ARID4A: variants seen among roughly 807,000 people sequenced by gnomAD.
ARID4A encodes AT-rich interaction domain 4A.
A neutral mutation model predicts 148.6 loss-of-function variants in ARID4A; 39 were observed. The observed-to-expected ratio is 0.26, with a 90% CI of 0.20 to 0.34. The LOEUF is 0.34. Among genes scored for constraint, ARID4A ranks in the 10% least tolerant of loss-of-function variants. The pLI, the probability that ARID4A is intolerant of heterozygous loss-of-function variation, is 1.00. For missense variants in ARID4A, 1,265 were observed against 1,449.1 expected, an observed-to-expected ratio of 0.87 and a Z score of 2.06; for synonymous variants, 475 against 481.2, an observed-to-expected ratio of 0.99 and a Z score of 0.17.
intron 5 of ARID4A, 40 bp from the exon 6 acceptor site, chr14:58,318,502 T>A: frequency 1.3e-6 from 2 of 1,566,152 alleles, no homozygotes; most frequent in Non-Finnish European, 1.8e-6. Flanking sequence ...TTTATTTCAT[T>A]AGTGTGCATA....
At chr14:58,317,654 A>T (rs2032552201) in intron 5 of ARID4A, among the ~76,000 whole-genome samples, 1 of 106,300 alleles carries the variant, frequency 9.4e-6, no homozygotes, top group Admixed American at 1.1e-4. Flanking sequence ...TTTTTGAGAC[A>T]GAATCTTGGT....
chr14:58,304,505 C>T (rs1359855296), intron 3 of ARID4A, among the ~76,000 whole-genome samples: 2 of 152,142 alleles, frequency 1.3e-5, no homozygotes, highest in Admixed American at 1.3e-4. Context: ...ACGATTATTG[C>T]TTAGCTTCAC....
intron 11 of ARID4A, among the ~76,000 whole-genome samples, chr14:58,340,314 C>T (rs1306386224): frequency 1.4e-5 from 2 of 145,964 alleles, no homozygotes; most frequent in Non-Finnish European, 3.0e-5. Flanking sequence ...TACAGGTGCA[C>T]GCCAGCATGC....
At chr14:58,317,518 C>T (rs1337892295) in intron 5 of ARID4A, among the ~76,000 whole-genome samples, 1 of 151,148 alleles carries the variant, frequency 6.6e-6, no homozygotes, top group Non-Finnish European at 1.5e-5. Context: ...GATTTCCTGA[C>T]CTGACCTCGT....
chr14:58,345,614 C>T (rs1251027845), intron 12 of ARID4A, among the ~76,000 whole-genome samples: 2 of 151,610 alleles, frequency 1.3e-5, no homozygotes, highest in Non-Finnish European at 2.9e-5. Flanking sequence ...CTTCAGAAAT[C>T]ATCCTTCAGA....
intron 12 of ARID4A, among the ~76,000 whole-genome samples, chr14:58,345,186 G>C (rs1011819459): frequency 2.4e-4 from 36 of 152,182 alleles, no homozygotes; most frequent in Non-Finnish European, 4.9e-4. Context: ...TCTAGTTTTG[G>C]ATTTTAAATA....
At chr14:58,324,433 A>C (rs2033104894) in intron 8 of ARID4A, among the ~76,000 whole-genome samples, 1 of 151,700 alleles carries the variant, frequency 6.6e-6, no homozygotes, top group Non-Finnish European at 1.5e-5. Context: ...GTGCCTCCAC[A>C]CCTGGCTATT....
At chr14:58,361,482 G>C (rs545531058) in intron 19 of ARID4A, among the ~76,000 whole-genome samples, 1 of 152,220 alleles carries the variant, frequency 6.6e-6, no homozygotes, top group South Asian at 2.1e-4. Context: ...TGTTATTCTT[G>C]ACTCTGAATT....
intron 11 of ARID4A, among the ~76,000 whole-genome samples, chr14:58,337,238 CTCTTTA>C (rs2033864259): frequency 1.9e-5 from 1 of 52,760 alleles, no homozygotes; most frequent in African/African-American, 7.4e-5. Flanking sequence ...CTAGAACCTT[CTCTTTA>C]TTTATATATA....
In ARID4A at chr14:58,316,843, G is replaced by A. The variant is rs566257961; in HGVS notation, c.275-1699G>A. On this transcript the variant is annotated intron_variant, in intron 5 of 23. Coordinates refer to ENST00000355431, the MANE Select transcript of ARID4A (RefSeq NM_002892.4). Reference sequence around the variant, plus strand: ...GGTCCGCCCGCCTCGGCCTCCCAAAGTGCTGAGATTACAGGCGGGAGTCAC... The same window carrying A: ...GGTCCGCCCGCCTCGGCCTCCCAAAATGCTGAGATTACAGGCGGGAGTCAC... Among the ~76,000 whole-genome samples the A allele has an allele frequency of 1.6e-4, 25 of 151,862 alleles. No homozygotes were observed. In the South Asian group the frequency reaches 5.2e-3, roughly 32 times the overall value.
intron 11 of ARID4A, among the ~76,000 whole-genome samples, chr14:58,338,938 G>A (rs1277083983): frequency 8.6e-6 from 1 of 116,496 alleles, no homozygotes; most frequent in African/African-American, 3.4e-5. Context: ...CACACAAAAG[G>A]TAGGGGTGTT....
At chr14:58,315,451 A>T (rs910073409) in intron 5 of ARID4A, among the ~76,000 whole-genome samples, 1 of 152,222 alleles carries the variant, frequency 6.6e-6, no homozygotes, top group South Asian at 2.1e-4. Flanking sequence ...ATAAAACATT[A>T]TAGAAAATAT....
At chr14:58,306,403 A>G (rs1247985128) in intron 5 of ARID4A, among the ~76,000 whole-genome samples, 8 of 152,232 alleles carry the variant, frequency 5.3e-5, no homozygotes, top group Admixed American at 2.0e-4. Flanking sequence ...CACTTTTTCT[A>G]TAATTACAAT....
chr14:58,336,738 C>T (rs1204680285), intron 11 of ARID4A, among the ~76,000 whole-genome samples: 6 of 151,916 alleles, frequency 3.9e-5, no homozygotes, highest in African/African-American at 4.8e-5. Flanking sequence ...TTTGTTTAGT[C>T]CTTACAACAG....
In ARID4A at chr14:58,365,206, T is replaced by A; in HGVS notation, c.3117T>A (p.Gly1039=). The change falls in exon 20 of 24, where the codon GGT becomes GGA. Residue 1039 remains glycine, a synonymous_variant. Transcript: ENST00000355431. ...GTATTGCTGAAGAATCTCAAGAAGG[T>A]CTCTGTGAGAGGGAATCGGCAAATG... is the stretch of plus-strand genomic sequence containing the variant. ...VDSIAEESQE[G]LCERESANGF... is the part of the protein sequence containing the mutation. 6.2e-7 allele frequency: 1 copy of A among 1,614,072 alleles called. No homozygotes were observed.
At position 58,359,214 on chromosome 14, in the gene ARID4A, A is replaced by G. The variant is rs1420034128; in HGVS notation, c.1936A>G (p.Lys646Glu). The change falls in exon 18 of 24, where the codon AAA becomes GAA. Residue 646 changes from lysine (K) to glutamate (E), a missense_variant and splice_region_variant. Around this residue, in one of 9 missense-constraint regions of ARID4A, gnomAD observed 666 missense variants for 730.9 expected, o/e 0.91. Transcript: ENST00000355431. ...GPKKKQKKKA[K>E]NKEDSEKDEK... ...AAAGAAAAAACAGAAGAAAAAAGCT[A>G]AAGTATGTTTGTAGATTTATGTCCT... The G allele has an allele frequency of 1.3e-6, 2 of 1,592,576 alleles. No individual in the cohort carries two copies. Among genetic ancestry groups the G allele is most frequent in the Non-Finnish European group, 1.7e-6 (2 of 1,174,634 alleles).
At chr14:58,328,457 G>T in intron 9 of ARID4A, 141 bp downstream of exon 9, 1 of 506,530 alleles carries the variant, frequency 2.0e-6, no homozygotes, top group South Asian at 4.0e-5. Flanking sequence ...AATAGGTTTT[G>T]ACTTTTTGTA....
intron 5 of ARID4A, among the ~76,000 whole-genome samples, chr14:58,316,706 G>A (rs1253087816): frequency 1.3e-5 from 2 of 151,938 alleles, no homozygotes; most frequent in African/African-American, 2.4e-5. Flanking sequence ...TCAGCCTCCC[G>A]AGTAGCTGAG....
chr14:58,328,055 C>T (rs1367426052), intron 8 of ARID4A, among the ~76,000 whole-genome samples, 182 bp from the exon 9 acceptor site: 1 of 152,132 alleles, frequency 6.6e-6, no homozygotes, highest in African/African-American at 2.4e-5. Flanking sequence ...GCAGACAAAA[C>T]ATATAAGGGT....
Sources: allele counts gnomAD v4.1 joint callset (sites outside exome capture counted in the v4.1 genomes callset), GRCh38; gene constraint gnomAD v4.1.1; regional missense constraint gnomAD v4.1.1; transcripts MANE v1.5; gene names NCBI Gene and HGNC (gene_info 2026-07-23, HGNC 2026-07-21).